The following VPS13B variants were observed in gnomAD, a reference collection of about 807,000 sequenced individuals.
VPS13B encodes intermembrane lipid transfer protein VPS13B.
Under a neutral mutation model 426.4 loss-of-function variants are expected in VPS13B, and 285 were observed. The observed-to-expected ratio is 0.67, with a 90% CI of 0.61 to 0.74. The LOEUF (loss-of-function observed/expected upper bound fraction) is 0.74, where lower values mean the gene tolerates loss of function less well. VPS13B is among the 30% of genes least tolerant of loss of function. The pLI, the probability that VPS13B is intolerant of heterozygous loss-of-function variation, is 0.00. For missense variants in VPS13B, 4,537 were observed against 4,782.6 expected, an observed-to-expected ratio of 0.95 and a Z score of 1.51; for synonymous variants, 1,676 against 1,676.4, an observed-to-expected ratio of 1.00 and a Z score of 0.01.
intron 57 of VPS13B, among the ~76,000 whole-genome samples, chr8:99,860,031 CT>C (rs1440993559): frequency 6.6e-6 from 1 of 152,100 alleles, no homozygotes; most frequent in Non-Finnish European, 1.5e-5. Context: ...TTAGTTTTAT[CT>C]GTGTGTGTGT....
chr8:99,271,314 A>G (rs1405444809), intron 17 of VPS13B, among the ~76,000 whole-genome samples: 21 of 152,088 alleles, frequency 1.4e-4, no homozygotes, highest in Non-Finnish European at 1.5e-5. Context: ...TTCCTGAGAC[A>G]TGAATTTTGA....
intron 39 of VPS13B, among the ~76,000 whole-genome samples, chr8:99,746,227 GA>G (rs1323726665): frequency 1.3e-5 from 2 of 151,876 alleles, no homozygotes; most frequent in Non-Finnish European, 2.9e-5. Flanking sequence ...GGATTTTTTG[GA>G]AAGAATACTT....
chr8:99,322,145 T>A (rs886781047), intron 19 of VPS13B, among the ~76,000 whole-genome samples: 2 of 152,198 alleles, frequency 1.3e-5, no homozygotes, highest in Non-Finnish European at 2.9e-5. Flanking sequence ...TGCCTTTTCC[T>A]TTGTGTAATT....
At chr8:99,067,606 A>G (rs1475317695) in intron 3 of VPS13B, among the ~76,000 whole-genome samples, 1 of 152,268 alleles carries the variant, frequency 6.6e-6, no homozygotes, top group Non-Finnish European at 1.5e-5. Flanking sequence ...ACAAAACTGC[A>G]CGTTGTGCAC....
At chr8:99,108,494 T>G (rs1847173100) in intron 5 of VPS13B, among the ~76,000 whole-genome samples, 1 of 152,184 alleles carries the variant, frequency 6.6e-6, no homozygotes, top group Non-Finnish European at 1.5e-5. Flanking sequence ...CTTCTGCATA[T>G]AGATATCCAG....
intron 30 of VPS13B, chr8:99,536,940 C>A: frequency 7.4e-6 from 3 of 406,756 alleles, no homozygotes; most frequent in South Asian, 1.8e-5. Flanking sequence ...TTGTTCAGTT[C>A]GATGATAGAA....
chr8:99,118,341 A>C (rs1847774169), intron 7 of VPS13B, among the ~76,000 whole-genome samples: 1 of 152,108 alleles, frequency 6.6e-6, no homozygotes, highest in South Asian at 2.1e-4. Flanking sequence ...GCTACACTTC[A>C]CCCCTAACCC....
chr8:99,600,372 G>C (rs573614304), intron 33 of VPS13B, among the ~76,000 whole-genome samples: 2 of 152,246 alleles, frequency 1.3e-5, no homozygotes, highest in African/African-American at 2.4e-5. Flanking sequence ...GAATATATTG[G>C]TTAGAAGCAC....
At chr8:99,069,824 T>A (rs1408707418) in intron 3 of VPS13B, among the ~76,000 whole-genome samples, 1 of 152,222 alleles carries the variant, frequency 6.6e-6, no homozygotes, top group African/African-American at 2.4e-5. Flanking sequence ...AAATTCTAAA[T>A]ACATTTGAAA....
chr8:99,423,105 G>A (rs1036932135), intron 21 of VPS13B, among the ~76,000 whole-genome samples: 4 of 151,342 alleles, frequency 2.6e-5, no homozygotes, highest in African/African-American at 4.9e-5. Flanking sequence ...CTTTCCTCTC[G>A]TCTTCTCTCC....
chr8:99,199,254 T>C (rs1814146740), intron 17 of VPS13B, among the ~76,000 whole-genome samples: 1 of 152,094 alleles, frequency 6.6e-6, no homozygotes, highest in African/African-American at 2.4e-5. Flanking sequence ...TGATCTCGGC[T>C]CACTGCAAGC....
intron 29 of VPS13B, among the ~76,000 whole-genome samples, chr8:99,512,099 A>G (rs1821821603): frequency 6.6e-6 from 1 of 152,244 alleles, no homozygotes. Context: ...CTAGAACTAA[A>G]TTCAATGTAT....
intron 33 of VPS13B, among the ~76,000 whole-genome samples, chr8:99,606,711 C>A (rs1482569428): frequency 6.6e-6 from 1 of 150,716 alleles, no homozygotes; most frequent in Admixed American, 6.6e-5. Context: ...CCACTGCAAC[C>A]TCCGCCTCCC....
At chr8:99,751,688 G>A (rs1373535129) in intron 39 of VPS13B, among the ~76,000 whole-genome samples, 3 of 152,124 alleles carry the variant, frequency 2.0e-5, no homozygotes, top group Non-Finnish European at 4.4e-5. Context: ...TGTAATATAT[G>A]TGTTACATAT....
At chr8:99,737,310 C>T (rs891902973) in intron 39 of VPS13B, among the ~76,000 whole-genome samples, 3 of 151,106 alleles carry the variant, frequency 2.0e-5, no homozygotes, top group African/African-American at 4.9e-5. Context: ...TCAGTAGAGA[C>T]GGGGTTTCAC....
chr8:99,018,439 G>A (rs979987055), intron 2 of VPS13B, among the ~76,000 whole-genome samples: 5 of 152,162 alleles, frequency 3.3e-5, no homozygotes, highest in Non-Finnish European at 5.9e-5. Flanking sequence ...ACCAGTACAG[G>A]AAATAAAATC....
intron 14 of VPS13B, among the ~76,000 whole-genome samples, chr8:99,154,613 A>C (rs558912878): frequency 1.3e-5 from 2 of 152,274 alleles, no homozygotes; most frequent in African/African-American, 4.8e-5. Context: ...GCAAAGTATA[A>C]ATTTGACTAT....
intron 19 of VPS13B, among the ~76,000 whole-genome samples, chr8:99,321,271 C>T (rs1310334160): frequency 5.0e-5 from 7 of 141,008 alleles, no homozygotes; most frequent in Admixed American, 1.5e-4. Flanking sequence ...AGTGCAGTGG[C>T]GTGATTTCAG....
intron 21 of VPS13B, among the ~76,000 whole-genome samples, chr8:99,411,469 G>T (rs538754562): frequency 1.1e-4 from 16 of 152,160 alleles, no homozygotes; most frequent in Non-Finnish European, 5.9e-5. Flanking sequence ...TTAGCCCTTT[G>T]TCATATGGAT....
Sources: allele counts gnomAD v4.1 joint callset (sites outside exome capture counted in the v4.1 genomes callset), GRCh38; gene constraint gnomAD v4.1.1; transcripts MANE v1.5; gene names NCBI Gene and HGNC (gene_info 2026-07-23, HGNC 2026-07-21).